Variants in WWOX observed in about 807,000 individuals in gnomAD.
The protein encoded by WWOX is WW domain-containing oxidoreductase.
Under a neutral mutation model 46.2 loss-of-function variants are expected in WWOX, and 69 were observed. That is an observed-to-expected ratio of 1.49 (90% CI 1.23 to 1.82). WWOX has a LOEUF of 1.82. WWOX is among the 40% of genes most tolerant of loss of function. The pLI is 0.00. For synonymous variants in WWOX, 359 were observed against 202.6 expected (o/e 1.77, Z -6.56); for missense variants, 919 against 542.6 (o/e 1.69, Z -6.89).
At chr16:78,153,956 C>T (rs1168045170) in intron 4 of WWOX, among the ~76,000 whole-genome samples, 2 of 152,114 alleles carry the variant, frequency 1.3e-5, no homozygotes, top group African/African-American at 4.8e-5. Flanking sequence ...TTCCCACCTT[C>T]ATGTTTTTTG....
chr16:79,152,028 AAG>A (rs1327999745), intron 8 of WWOX, among the ~76,000 whole-genome samples: 2 of 152,178 alleles, frequency 1.3e-5, no homozygotes, highest in African/African-American at 2.4e-5. Flanking sequence ...TATTAAGCAG[AAG>A]TTGGGAATCA....
intron 8 of WWOX, among the ~76,000 whole-genome samples, chr16:78,979,794 A>G (rs908103591): frequency 1.3e-5 from 2 of 152,140 alleles, no homozygotes; most frequent in Non-Finnish European, 2.9e-5. Context: ...CACTGCATTT[A>G]TCCAAAGGGT....
chr16:78,857,323 C>T (rs1261381654), intron 8 of WWOX, among the ~76,000 whole-genome samples: 1 of 152,120 alleles, frequency 6.6e-6, no homozygotes, highest in Non-Finnish European at 1.5e-5. Context: ...CTGTTTTTCA[C>T]CATGACATTG....
chr16:78,772,744 C>T (rs1356803232), intron 8 of WWOX, among the ~76,000 whole-genome samples: 2 of 152,190 alleles, frequency 1.3e-5, no homozygotes, highest in African/African-American at 4.8e-5. Flanking sequence ...GTTGGCTAGG[C>T]GCGGTGGCTC....
At chr16:78,209,984 CA>C (rs2036507504) in intron 5 of WWOX, among the ~76,000 whole-genome samples, 1 of 151,570 alleles carries the variant, frequency 6.6e-6, no homozygotes, top group South Asian at 2.1e-4. Flanking sequence ...TTTTCTTAAA[CA>C]GCAGAATGTT....
chr16:78,155,675 T>A (rs543210847), intron 4 of WWOX, among the ~76,000 whole-genome samples: 250 of 152,356 alleles, frequency 1.6e-3, no homozygotes, highest in Admixed American at 3.4e-3. Context: ...AATTTAAACA[T>A]TGTCATAAAG....
intron 8 of WWOX, among the ~76,000 whole-genome samples, chr16:78,745,628 G>A (rs528064279): frequency 6.9e-6 from 1 of 144,410 alleles, no homozygotes; most frequent in Non-Finnish European, 1.5e-5. Flanking sequence ...AACATAAAAC[G>A]TTCATTGAAA....
intron 8 of WWOX, among the ~76,000 whole-genome samples, chr16:79,050,621 T>G (rs936381494): frequency 6.6e-6 from 1 of 152,154 alleles, no homozygotes; most frequent in African/African-American, 2.4e-5. Flanking sequence ...AGACTGCACT[T>G]GTATTTGAGT....
chr16:78,666,614 C>T (rs151051563), intron 8 of WWOX, among the ~76,000 whole-genome samples: 1 of 152,162 alleles, frequency 6.6e-6, no homozygotes, highest in African/African-American at 2.4e-5. Flanking sequence ...CCTGGAGTCA[C>T]TGGAAAATGC....
chr16:78,833,407 T>C (rs2051886427), intron 8 of WWOX, among the ~76,000 whole-genome samples: 1 of 140,948 alleles, frequency 7.1e-6, no homozygotes, highest in Non-Finnish European at 1.6e-5. Context: ...TCATGTTTAC[T>C]TAATGGCCCA....
intron 8 of WWOX, among the ~76,000 whole-genome samples, chr16:78,838,462 T>C (rs545684096): frequency 1.3e-5 from 2 of 152,298 alleles, no homozygotes; most frequent in South Asian, 4.1e-4. Context: ...AAATGTACTA[T>C]AAAAGAGTGA....
chr16:78,389,414 G>A (rs1294232813), intron 6 of WWOX, among the ~76,000 whole-genome samples: 1 of 152,172 alleles, frequency 6.6e-6, no homozygotes, highest in Non-Finnish European at 1.5e-5. Context: ...CACCTCAGTT[G>A]TCAGCTATTA....
Position 78,732,477 on chromosome 16 carries a change from C to T in WWOX, c.1056+299725C>T, listed in dbSNP as rs80072759. ...ATTCCAGTTTCCAAACACTGTGAAG[C>T]AGAGGCTGACTGTCCCCTTTGTGCC... On this transcript the variant is annotated intron_variant, in intron 8 of 8. Transcript: ENST00000566780. 9.0e-3 allele frequency among the ~76,000 whole-genome samples: 1,376 copies of T among 152,266 alleles called. 16 individuals are homozygous for T. Among genetic ancestry groups the T allele is most frequent in the African/African-American group, 0.031 (1,275 of 41,576 alleles).
intron 8 of WWOX, among the ~76,000 whole-genome samples, chr16:78,511,200 G>A (rs972648208): frequency 1.4e-4 from 21 of 152,300 alleles, no homozygotes; most frequent in African/African-American, 4.3e-4. Context: ...TGTCATTAAT[G>A]TAAAAGCAGC....
chr16:78,107,534 G>A (rs919827102), intron 1 of WWOX, among the ~76,000 whole-genome samples: 8 of 152,180 alleles, frequency 5.3e-5, no homozygotes, highest in African/African-American at 1.9e-4. Context: ...TGGAGATTAA[G>A]GAGTGGGGTC....
At chr16:79,195,560 A>G (rs192265361) in intron 8 of WWOX, among the ~76,000 whole-genome samples, 288 of 152,276 alleles carry the variant, frequency 1.9e-3, no homozygotes, top group African/African-American at 6.5e-3. Context: ...AATATCCACT[A>G]CAGTTTCTTG....
chr16:78,721,628 A>C (rs977076572), intron 8 of WWOX, among the ~76,000 whole-genome samples: 1 of 152,222 alleles, frequency 6.6e-6, no homozygotes, highest in African/African-American at 2.4e-5. Flanking sequence ...TGTGCTTTGA[A>C]ATTTGATTCC....
chr16:78,735,040 T>A (rs535613137), intron 8 of WWOX, among the ~76,000 whole-genome samples: 1 of 151,300 alleles, frequency 6.6e-6, no homozygotes, highest in Non-Finnish European at 1.5e-5. Flanking sequence ...CTAACTTTTG[T>A]GTTGTTAGTA....
In WWOX at chr16:78,166,445, G is replaced by A. The variant is rs569909795; in HGVS notation, c.516+2156G>A. On this transcript the variant is annotated intron_variant, in intron 5 of 8. Coordinates refer to ENST00000566780, the MANE Select transcript of WWOX (RefSeq NM_016373.4). ...GAGCATTCTTTATTTACGTATTTGTGAGTAAATGCCTGGGGCAGAATCTTA... is the reference window on the plus strand; with the variant it reads ...GAGCATTCTTTATTTACGTATTTGTAAGTAAATGCCTGGGGCAGAATCTTA... Among the ~76,000 whole-genome samples, 79 of 152,304 alleles carry A rather than the reference G, an allele frequency of 5.2e-4. 1 individual carries two copies. In the South Asian group the frequency reaches 0.016, roughly 32 times the overall value.
Sources: gnomAD v4.1 joint callset for allele counts (sites outside exome capture counted in the v4.1 genomes callset) on GRCh38, gnomAD v4.1.1 for gene constraint, MANE v1.5 for transcripts, NCBI Gene and HGNC (gene_info 2026-07-23, HGNC 2026-07-21) for gene names.